The following MAGI2 variants were observed in gnomAD, a reference collection of about 807,000 sequenced individuals.
MAGI2 encodes membrane associated guanylate kinase, WW and PDZ domain containing 2.
MAGI2 carries 35 observed loss-of-function variants against 133.3 expected under a neutral mutation model. That is an observed-to-expected ratio of 0.26 (90% CI 0.20 to 0.35). The LOEUF (loss-of-function observed/expected upper bound fraction) is 0.35, where lower values mean the gene tolerates loss of function less well. Ranked by LOEUF, MAGI2 falls within the 10% of genes least tolerant of loss-of-function variation. The pLI, the probability that MAGI2 is intolerant of heterozygous loss-of-function variation, is 1.00. For synonymous variants in MAGI2, 729 were observed against 710.6 expected (o/e 1.03, Z -0.41); for missense variants, 1,636 against 1,863.4 (o/e 0.88, Z 2.25).
chr7:79,121,655 A>G (rs1357302261), intron 1 of MAGI2, among the ~76,000 whole-genome samples: 3 of 152,120 alleles, frequency 2.0e-5, no homozygotes, highest in African/African-American at 7.2e-5. Context: ...TGTCAATGCC[A>G]TGTTTTTAGG....
chr7:78,622,330 T>A (rs1223699886), intron 3 of MAGI2, among the ~76,000 whole-genome samples: 1 of 152,076 alleles, frequency 6.6e-6, no homozygotes, highest in Non-Finnish European at 1.5e-5. Context: ...TAGATGAATT[T>A]TCTGGTCTGA....
chr7:78,643,565 A>C (rs1485630244), intron 2 of MAGI2, among the ~76,000 whole-genome samples: 1 of 152,176 alleles, frequency 6.6e-6, no homozygotes, highest in African/African-American at 2.4e-5. Flanking sequence ...GGAGGACTCA[A>C]GTTATTAAGA....
intron 9 of MAGI2, among the ~76,000 whole-genome samples, chr7:78,320,607 T>A (rs1562816941): frequency 6.6e-6 from 1 of 152,220 alleles, no homozygotes; most frequent in Admixed American, 6.5e-5. Flanking sequence ...AAACTAGGTA[T>A]TGATGGAACA....
At chr7:79,371,724 C>T (rs1843065192) in intron 1 of MAGI2, among the ~76,000 whole-genome samples, 1 of 152,044 alleles carries the variant, frequency 6.6e-6, no homozygotes, top group African/African-American at 2.4e-5. Flanking sequence ...CACAATATAG[C>T]CTGTCATTAA....
At chr7:78,584,789 T>C (rs576952930) in intron 3 of MAGI2, among the ~76,000 whole-genome samples, 2 of 152,352 alleles carry the variant, frequency 1.3e-5, no homozygotes, top group African/African-American at 4.8e-5. Context: ...TTGGCTCAAA[T>C]CCTGATTCTA....
At chr7:78,631,128 C>T (rs940308543) in intron 2 of MAGI2, among the ~76,000 whole-genome samples, 4 of 152,330 alleles carry the variant, frequency 2.6e-5, no homozygotes, top group Admixed American at 1.3e-4. Context: ...TACACCCTCA[C>T]TAGTGGCAAA....
chr7:78,302,724 G>A (rs1366803330), intron 9 of MAGI2, among the ~76,000 whole-genome samples: 3 of 152,058 alleles, frequency 2.0e-5, no homozygotes, highest in African/African-American at 7.2e-5. Flanking sequence ...CAGTGATATC[G>A]AATAGGCATT....
intron 2 of MAGI2, among the ~76,000 whole-genome samples, chr7:78,710,388 G>T (rs1374617430): frequency 2.6e-5 from 4 of 152,160 alleles, no homozygotes; most frequent in African/African-American, 9.7e-5. Context: ...CCTATGTTTG[G>T]GGAGAGGGTG....
intron 2 of MAGI2, among the ~76,000 whole-genome samples, chr7:78,636,269 C>A (rs897596904): frequency 6.6e-6 from 1 of 151,932 alleles, no homozygotes; most frequent in Admixed American, 6.6e-5. Flanking sequence ...AAACTCTCTT[C>A]CCCTAAGATA....
chr7:79,137,452 T>TTTG (rs1821687295), intron 1 of MAGI2, among the ~76,000 whole-genome samples: 1 of 138,738 alleles, frequency 7.2e-6, no homozygotes, highest in South Asian at 2.2e-4. Context: ...TGTTTTTTGT[T>TTTG]TTTTTTTTTT....
chr7:78,535,909 A>G (rs975750755), intron 3 of MAGI2, among the ~76,000 whole-genome samples: 2 of 139,856 alleles, frequency 1.4e-5, no homozygotes, highest in Non-Finnish European at 3.1e-5. Context: ...ACACTCAGGA[A>G]CTGACTCAGC....
intron 2 of MAGI2, among the ~76,000 whole-genome samples, chr7:78,688,742 G>T (rs2151115577): frequency 6.6e-6 from 1 of 152,316 alleles, no homozygotes; most frequent in African/African-American, 2.4e-5. Flanking sequence ...ACATGGCTAA[G>T]AAGTATGAAT....
chr7:79,104,258 A>G (rs1818249949), intron 1 of MAGI2, among the ~76,000 whole-genome samples: 2 of 152,202 alleles, frequency 1.3e-5, no homozygotes, highest in Admixed American at 1.3e-4. Flanking sequence ...ATTATGTGCT[A>G]ACATTCTGGG....
At chr7:78,331,375 T>C (rs1789178973) in intron 9 of MAGI2, among the ~76,000 whole-genome samples, 2 of 152,166 alleles carry the variant, frequency 1.3e-5, no homozygotes, top group South Asian at 4.1e-4. Flanking sequence ...TGAAATTATG[T>C]ATAAAAAAAT....
chr7:78,806,696 T>A (rs1200324436), intron 2 of MAGI2, among the ~76,000 whole-genome samples: 1 of 151,452 alleles, frequency 6.6e-6, no homozygotes, highest in Non-Finnish European at 1.5e-5. Flanking sequence ...AAAGATCCTG[T>A]CTCTACAAAA....
intron 4 of MAGI2, among the ~76,000 whole-genome samples, chr7:78,514,155 A>C (rs1167611530): frequency 6.6e-6 from 1 of 150,886 alleles, no homozygotes; most frequent in Non-Finnish European, 1.5e-5. Flanking sequence ...GTTTAACTGA[A>C]ACATGACTGT....
intron 2 of MAGI2, among the ~76,000 whole-genome samples, chr7:78,939,182 T>C (rs947287039): frequency 2.0e-5 from 3 of 151,786 alleles, no homozygotes; most frequent in African/African-American, 7.3e-5. Flanking sequence ...TTAGTAGAGA[T>C]GGGGTTCCAC....
At chr7:78,053,791 G>A (rs1415162500) in intron 21 of MAGI2, among the ~76,000 whole-genome samples, 1 of 152,134 alleles carries the variant, frequency 6.6e-6, no homozygotes, top group African/African-American at 2.4e-5. Flanking sequence ...CGCGAAGTGA[G>A]AAAAAATTTC....
At chr7:78,356,147 G>T (rs1464766126) in intron 7 of MAGI2, among the ~76,000 whole-genome samples, 1 of 152,160 alleles carries the variant, frequency 6.6e-6, no homozygotes, top group Non-Finnish European at 1.5e-5. Context: ...GGTGGGTCAT[G>T]TCTCTGGCAA....
Sources: allele counts gnomAD v4.1 joint callset (sites outside exome capture counted in the v4.1 genomes callset), GRCh38; gene constraint gnomAD v4.1.1; transcripts MANE v1.5; gene names NCBI Gene and HGNC (gene_info 2026-07-23, HGNC 2026-07-21).